Variants in ARHGAP6 observed in about 807,000 individuals in gnomAD.
The protein encoded by ARHGAP6 is Rho GTPase activating protein 6.
A neutral mutation model predicts 55.7 loss-of-function variants in ARHGAP6; 16 were observed. The observed-to-expected ratio is 0.29, with a 90% confidence interval of 0.19 to 0.44. The LOEUF is 0.44. Among genes scored for constraint, ARHGAP6 ranks in the 20% least tolerant of loss-of-function variants. The pLI, the probability that ARHGAP6 is intolerant of heterozygous loss-of-function variation, is 1.00. For synonymous variants in ARHGAP6, 382 were observed against 360.9 expected, an observed-to-expected ratio of 1.06 and a Z score of -0.66; for missense variants, 698 against 808.9, an observed-to-expected ratio of 0.86 and a Z score of 1.66.
intron 1 of ARHGAP6, among the ~76,000 whole-genome samples, chrX:11,477,494 T>C (rs999933617): frequency 1.8e-5 from 2 of 111,875 alleles, no homozygotes; most frequent in African/African-American, 6.5e-5. Context: ...CCGGCCATTT[T>C]ACTTCTAGGT....
rs767348713 is a variant in ARHGAP6, at chrX:11,336,689, T to C, written c.589-81982A>G. Reference sequence around the variant, plus strand: ...GTGAAATGGTTACTATTTGACCATCTTGGACATATAAAAATGGCAATTTAA... The same window carrying C: ...GTGAAATGGTTACTATTTGACCATCCTGGACATATAAAAATGGCAATTTAA... On this transcript the variant is annotated intron_variant, in intron 1 of 12. Transcript: ENST00000337414. Among the ~76,000 whole-genome samples, 30 of 112,045 alleles carry C rather than the reference T, an allele frequency of 2.7e-4. 1 individual carries two copies. Among genetic ancestry groups the C allele is most frequent in the South Asian group, 2.6e-3 (7 of 2,671 alleles).
intron 1 of ARHGAP6, among the ~76,000 whole-genome samples, chrX:11,457,003 A>G (rs2050199569): frequency 9.0e-6 from 1 of 111,448 alleles, no homozygotes; most frequent in African/African-American, 3.3e-5. Context: ...CATAACAGAG[A>G]TTTTGTACTA....
At chrX:11,532,494 C>G (rs1382228822) in intron 1 of ARHGAP6, among the ~76,000 whole-genome samples, 1 of 112,410 alleles carries the variant, frequency 8.9e-6, no homozygotes, top group Non-Finnish European at 1.9e-5. Flanking sequence ...TGATTACAGG[C>G]TGGCCTAGAA....
chrX:11,652,898 G>A (rs185373938), intron 1 of ARHGAP6, among the ~76,000 whole-genome samples: 43 of 112,006 alleles, frequency 3.8e-4, no homozygotes, highest in African/African-American at 1.2e-3. Context: ...CTATTTGCTC[G>A]TAGAATGCTA....
At chrX:11,140,419 AAAAAAAAAAAAAAAATT>A (rs1220060720) in intron 12 of ARHGAP6, among the ~76,000 whole-genome samples, 1 of 90,385 alleles carries the variant, frequency 1.1e-5, no homozygotes, top group Non-Finnish European at 2.2e-5. Flanking sequence ...CTCCGTCACA[AAAAAAAAAAAAAAAATT>A]AAAAAAAAAA....
intron 2 of ARHGAP6, among the ~76,000 whole-genome samples, chrX:11,221,890 C>T (rs2046977681): frequency 9.0e-6 from 1 of 110,987 alleles, no homozygotes; most frequent in African/African-American, 3.3e-5. Context: ...CCCTCCTACC[C>T]TCCACCCTTA....
chrX:11,563,719 T>G (rs2051412521), intron 1 of ARHGAP6, among the ~76,000 whole-genome samples: 1 of 111,199 alleles, frequency 9.0e-6, no homozygotes, highest in African/African-American at 3.3e-5. Context: ...AAATTCACAC[T>G]TATGTTTATA....
chrX:11,428,777 C>T (rs1396249248), intron 1 of ARHGAP6, among the ~76,000 whole-genome samples: 1 of 111,798 alleles, frequency 8.9e-6, no homozygotes, highest in African/African-American at 3.3e-5. Flanking sequence ...GTTGAATGAA[C>T]CATCCACTGG....
At chrX:11,251,137 C>A (rs1335015051) in intron 2 of ARHGAP6, among the ~76,000 whole-genome samples, 2 of 111,583 alleles carry the variant, frequency 1.8e-5, no homozygotes, top group Non-Finnish European at 3.8e-5. Context: ...GGCCCGTTAG[C>A]TGCCCTCTCT....
intron 1 of ARHGAP6, among the ~76,000 whole-genome samples, chrX:11,323,865 T>TAAAAAAA (rs1336822124): frequency 2.6e-5 from 1 of 38,639 alleles, no homozygotes; most frequent in Non-Finnish European, 5.1e-5. Context: ...AACCCCCATT[T>TAAAAAAA]CAAAAAAAAA....
At chrX:11,141,916 T>C (rs768780263) in intron 12 of ARHGAP6, among the ~76,000 whole-genome samples, 3 of 112,595 alleles carry the variant, frequency 2.7e-5, no homozygotes, top group South Asian at 3.7e-4. Flanking sequence ...TTGTAAGCTA[T>C]GATTATGCAC....
At chrX:11,520,131 TTATATATATATATATA>T (rs1160731443) in intron 1 of ARHGAP6, among the ~76,000 whole-genome samples, 337 of 18,266 alleles carry the variant, frequency 0.018, 18 homozygotes, top group Admixed American at 0.13. Context: ...AGAATTGATT[TTATATATATATATATA>T]TATATATATA....
intron 10 of ARHGAP6, chrX:11,148,885 T>G (rs1049829911): frequency 4.2e-6 from 1 of 239,226 alleles, no homozygotes; most frequent in Non-Finnish European, 8.0e-6. Flanking sequence ...ACTGAAAGCA[T>G]TGTATCATCC....
chrX:11,256,838 G>A (rs891633853), intron 1 of ARHGAP6, among the ~76,000 whole-genome samples: 4 of 111,690 alleles, frequency 3.6e-5, no homozygotes, highest in Non-Finnish European at 7.5e-5. Context: ...AGTGGATAAT[G>A]ATGAAGACTA....
intron 1 of ARHGAP6, among the ~76,000 whole-genome samples, chrX:11,455,610 T>C (rs1453642074): frequency 8.9e-6 from 1 of 112,406 alleles, no homozygotes; most frequent in African/African-American, 3.2e-5. Context: ...AGCCAATTCA[T>C]GATATTTTGA....
At chrX:11,250,402 C>A (rs1291011366) in intron 2 of ARHGAP6, among the ~76,000 whole-genome samples, 1 of 111,750 alleles carries the variant, frequency 8.9e-6, no homozygotes, top group Non-Finnish European at 1.9e-5. Flanking sequence ...GTATTAGCTT[C>A]CTAGTGCTGC....
chrX:11,266,072 T>TGTGAGAGA (rs1331058642), intron 1 of ARHGAP6: 1 of 116,766 alleles, frequency 8.6e-6, no homozygotes, highest in Non-Finnish European at 1.2e-5. Context: ...TGTGTGTGTG[T>TGTGAGAGA]GAGAGAGAGA....
chrX:11,494,454 T>C (rs964463470), intron 1 of ARHGAP6, among the ~76,000 whole-genome samples: 1 of 112,322 alleles, frequency 8.9e-6, no homozygotes, highest in Non-Finnish European at 1.9e-5. Flanking sequence ...TCATGGCAAA[T>C]GGACCTAATA....
At chrX:11,399,253 C>A (rs1224847916) in intron 1 of ARHGAP6, among the ~76,000 whole-genome samples, 2 of 108,853 alleles carry the variant, frequency 1.8e-5, no homozygotes, top group Non-Finnish European at 3.8e-5. Flanking sequence ...GCACCCATCA[C>A]CCCAAAACAG....
Sources: gnomAD v4.1 joint callset for allele counts (sites outside exome capture counted in the v4.1 genomes callset) on GRCh38, gnomAD v4.1.1 for gene constraint, MANE v1.5 for transcripts, NCBI Gene and HGNC (gene_info 2026-07-23, HGNC 2026-07-21) for gene names.